NMNAT3: variants seen among roughly 807,000 people sequenced by gnomAD.
The protein encoded by NMNAT3 is nicotinamide nucleotide adenylyltransferase 3.
In NMNAT3, 21 loss-of-function variants were observed where a neutral mutation model predicts 24.8. That is an observed-to-expected ratio of 0.85 (90% CI 0.60 to 1.22). The LOEUF (loss-of-function observed/expected upper bound fraction) is 1.22. Ranked by LOEUF, NMNAT3 falls within the 50% of genes most tolerant of loss-of-function variation. The pLI is 0.00. For missense variants in NMNAT3, 387 were observed against 436.6 expected (o/e 0.89, Z 1.01); for synonymous variants, 136 against 155.2 (o/e 0.88, Z 0.92).
rs929387220 is a variant in NMNAT3, at chr3:139,668,386, A to G, written c.-141+9319T>C. On this transcript the variant is annotated intron_variant, in intron 1 of 6. Coordinates refer to ENST00000643695, the MANE Select transcript of NMNAT3 (RefSeq NM_001320510.2). ...ATACAAATGACTTCAAACAAACTTT[A>G]TAAGAGAGAAAATAGCAAATAATTT... is the stretch of plus-strand genomic sequence containing the variant. Among the ~76,000 whole-genome samples the G allele has an allele frequency of 3.3e-5, 5 of 152,358 alleles. No individual in the cohort carries two copies. In the Middle Eastern group the frequency reaches 0.01, roughly 311 times the overall value.
intron 1 of NMNAT3, among the ~76,000 whole-genome samples, chr3:139,664,348 A>G (rs2057510635): frequency 6.6e-6 from 1 of 152,224 alleles, no homozygotes; most frequent in Non-Finnish European, 1.5e-5. Flanking sequence ...ACGATTCCTC[A>G]TGATTCTGAA....
Position 139,660,357 on chromosome 3 carries a change from C to G in NMNAT3, c.-141+17348G>C, listed in dbSNP as rs889625311. On this transcript the variant is annotated intron_variant, in intron 1 of 6. Coordinates refer to ENST00000643695, the MANE Select transcript of NMNAT3 (RefSeq NM_001320510.2). The stretch of plus-strand genomic sequence containing the variant: ...TCAGTGACCTCCTTCCACTCCATTA[C>G]TCTTGTTAATTGAGAATTGACTACA... Among the ~76,000 whole-genome samples, 5 of 152,304 alleles carry G rather than the reference C, an allele frequency of 3.3e-5. No homozygotes were observed. The South Asian group carries it at 1.0e-3, about 32-fold the overall frequency.
chr3:139,628,046 G>A (rs2056134624), intron 2 of NMNAT3, among the ~76,000 whole-genome samples: 1 of 152,170 alleles, frequency 6.6e-6, no homozygotes, highest in Admixed American at 6.5e-5. Context: ...AACCAAGGCA[G>A]CCTGATCCCA....
chr3:139,571,793 G>T (rs1032732189), intron 6 of NMNAT3, among the ~76,000 whole-genome samples: 5 of 152,156 alleles, frequency 3.3e-5, no homozygotes, highest in Admixed American at 2.0e-4. Context: ...TAAGAGGAAG[G>T]AGGGGAGGCC....
At chr3:139,636,262 G>A (rs1043265689) in intron 2 of NMNAT3, 1 of 151,756 alleles carries the variant, frequency 6.6e-6, no homozygotes. Flanking sequence ...AGTTTCTATT[G>A]TCCCAGTTAA....
At position 139,578,932 on chromosome 3, in the gene NMNAT3, A is replaced by G; in HGVS notation, c.515T>C (p.Ile172Thr). ...CTCACTCTCCCAAGGGTCCACCCGG[A>G]TCCAGTCGGATGTCTGCAGGGCCAG... is the stretch of plus-strand genomic sequence containing the variant. The change falls in exon 5 of 7, where the codon ATC becomes ACC. Residue 172 changes from isoleucine (I) to threonine (T), a missense_variant. This residue lies in a region of NMNAT3 where 323 missense variants were observed against 345.2 expected (regional missense o/e 0.94). Coordinates refer to ENST00000643695, the MANE Select transcript of NMNAT3 (RefSeq NM_001320510.2). 6.2e-7 allele frequency: 1 copy of G among 1,614,148 alleles called. No individual in the cohort carries two copies. The highest frequency in any genetic ancestry group is 8.5e-7 in the Non-Finnish European group (1 of 1,180,028).
At chr3:139,676,333 C>A (rs1388329172) in intron 1 of NMNAT3, among the ~76,000 whole-genome samples, 1 of 152,202 alleles carries the variant, frequency 6.6e-6, no homozygotes, top group East Asian at 1.9e-4. Flanking sequence ...ACCTAAAATG[C>A]TCTCCCAAAT....
At chr3:139,567,184 G>A (rs1348181667) in intron 6 of NMNAT3, 3 of 152,168 alleles carry the variant, frequency 2.0e-5, no homozygotes, top group South Asian at 4.1e-4. Flanking sequence ...GTATAAGAAT[G>A]CTTGTGATTT....
At chr3:139,648,246 C>T (rs140972606) in intron 1 of NMNAT3, among the ~76,000 whole-genome samples, 254 of 152,298 alleles carry the variant, frequency 1.7e-3, no homozygotes, top group African/African-American at 6.0e-3. Flanking sequence ...TAAGACGTGC[C>T]TTGCTTCCCC....
intron 1 of NMNAT3, among the ~76,000 whole-genome samples, chr3:139,663,380 C>A (rs117043989): frequency 6.6e-6 from 1 of 152,172 alleles, no homozygotes; most frequent in South Asian, 2.1e-4. Flanking sequence ...AATCTTAATG[C>A]CCCCATGCCA....
chr3:139,644,532 T>G (rs1014141949), intron 1 of NMNAT3, among the ~76,000 whole-genome samples: 6 of 152,264 alleles, frequency 3.9e-5, no homozygotes, highest in Admixed American at 6.5e-5. Flanking sequence ...GTAGAGGTAA[T>G]TTAACCCTGG....
intron 1 of NMNAT3, among the ~76,000 whole-genome samples, chr3:139,677,099 C>T (rs2057953854): frequency 6.6e-6 from 1 of 152,194 alleles, no homozygotes; most frequent in Non-Finnish European, 1.5e-5. Context: ...TGAGTTTGCT[C>T]TGTTGTTCCC....
intron 4 of NMNAT3, among the ~76,000 whole-genome samples, chr3:139,582,190 CAAAAAAAAAAAAA>C (rs756159164): frequency 4.3e-5 from 1 of 23,072 alleles, no homozygotes; most frequent in Non-Finnish European, 9.2e-5. Flanking sequence ...GACTCCCTCT[CAAAAAAAAAAAAA>C]AAAAAAAAAA....
intron 2 of NMNAT3, among the ~76,000 whole-genome samples, chr3:139,628,548 A>T (rs1006681538): frequency 1.1e-4 from 16 of 152,242 alleles, no homozygotes; most frequent in Admixed American, 3.3e-4. Context: ...TTCTGATCTC[A>T]CCTATTGTCC....
At chr3:139,640,691 A>G (rs16849240) in intron 1 of NMNAT3, among the ~76,000 whole-genome samples, 14,121 of 152,156 alleles carry the variant, frequency 0.093, 1,090 homozygotes, top group East Asian at 0.23. Context: ...GATGCCCAAG[A>G]AGAGCTGTTC....
At chr3:139,613,050 A>T (rs928480617) in intron 3 of NMNAT3, among the ~76,000 whole-genome samples, 2 of 152,334 alleles carry the variant, frequency 1.3e-5, no homozygotes, top group South Asian at 2.1e-4. Flanking sequence ...AACCTAGGCA[A>T]TACCATACAG....
At chr3:139,667,587 G>C (rs2057624524) in intron 1 of NMNAT3, among the ~76,000 whole-genome samples, 2 of 152,162 alleles carry the variant, frequency 1.3e-5, no homozygotes, top group Non-Finnish European at 2.9e-5. Context: ...TTTGGAGTGG[G>C]TCCAGCCTCA....
intron 2 of NMNAT3, among the ~76,000 whole-genome samples, chr3:139,630,769 C>A (rs1318746790): frequency 6.6e-6 from 1 of 152,190 alleles, no homozygotes; most frequent in African/African-American, 2.4e-5. Flanking sequence ...AAGCAGTCAA[C>A]AAGCTGCTGC....
At chr3:139,577,390 G>T in intron 5 of NMNAT3, among the ~76,000 whole-genome samples, 1 of 152,182 alleles carries the variant, frequency 6.6e-6, no homozygotes, top group Non-Finnish European at 1.5e-5. Flanking sequence ...AGTGAAGTGG[G>T]TGATGTCATT....
Sources: gnomAD v4.1 joint callset for allele counts (sites outside exome capture counted in the v4.1 genomes callset) on GRCh38, gnomAD v4.1.1 for gene constraint, gnomAD v4.1.1 regional missense constraint, MANE v1.5 for transcripts, NCBI Gene and HGNC (gene_info 2026-07-23, HGNC 2026-07-21) for gene names.